INSYN2A: variants seen among roughly 807,000 people sequenced by gnomAD.
INSYN2A encodes the protein inhibitory synaptic factor 2A.
INSYN2A carries 17 observed loss-of-function variants against 39.4 expected under a neutral mutation model. The ratio of observed to expected loss-of-function variants is 0.43; its 90% CI spans 0.30 to 0.65. INSYN2A has a LOEUF of 0.65. Ranked by LOEUF, INSYN2A falls within the 30% of genes least tolerant of loss-of-function variation. The pLI is 0.14. For missense variants in INSYN2A, 595 were observed against 631.2 expected (o/e 0.94, Z 0.61); for synonymous variants, 255 against 265.7 (o/e 0.96, Z 0.39).
At chr10:127,173,824 C>T (rs2054811507) in intron 4 of INSYN2A, among the ~76,000 whole-genome samples, 1 of 152,138 alleles carries the variant, frequency 6.6e-6, no homozygotes, top group African/African-American at 2.4e-5. Context: ...CAAGATTGAA[C>T]AAGGCCTTTT....
chr10:127,175,061 C>T lies in INSYN2A; in HGVS notation c.1184+151G>A, dbSNP rs535708958. 1.2e-5 allele frequency: 8 copies of T among 666,378 alleles called. No homozygotes were observed. In the East Asian group the frequency reaches 1.3e-4, roughly 11 times the overall value. 41.3% of individuals were successfully genotyped at this position (666,378 alleles called of 1,614,324 possible). On this transcript the variant is annotated intron_variant, in intron 4 of 5. Transcript: ENST00000522781. This position sits in a 1 kb window ranked among gnomAD's most constrained non-coding sequence, Gnocchi z 6.3. ...ACGTCTAGTATCATAAAATAATCTG[C>T]GACCCCTTGGAGCTCGCCACGCCCT...
intron 4 of INSYN2A, among the ~76,000 whole-genome samples, chr10:127,162,065 C>T (rs1330637110): frequency 6.6e-6 from 1 of 152,132 alleles, no homozygotes; most frequent in Non-Finnish European, 1.5e-5. Context: ...TCATGGGTTT[C>T]GAGAACGTTA....
At position 127,137,935 on chromosome 10, in the gene INSYN2A, G is replaced by A. The variant is rs58148253; in HGVS notation, c.1342C>T (p.Pro448Ser). 1.9e-6 allele frequency: 3 copies of A among 1,614,128 alleles called. No individual in the cohort carries two copies. The highest frequency in any genetic ancestry group is 2.5e-6 in the Non-Finnish European group (3 of 1,180,002). Residue 448 changes from proline (P) to serine (S), a missense_variant, in exon 6 of 6, where the codon CCT (proline) becomes TCT (serine). By Grantham distance (74) the Pro-to-Ser change is moderately conservative. This residue lies in a region of INSYN2A where 117 missense variants were observed against 163.8 expected (regional missense o/e 0.71). Coordinates refer to ENST00000522781, the MANE Select transcript of INSYN2A (RefSeq NM_001039762.3). Reference sequence around the variant, plus strand: ...TAAGTCTCCTGAGAGTAAGGCGAAGGTATGACCTGAGTTTCCTCAATAGGG... The same window carrying A: ...TAAGTCTCCTGAGAGTAAGGCGAAGATATGACCTGAGTTTCCTCAATAGGG... ...LHPIEETQVI[P>S]SPYSQETYSS...
chr10:127,136,984 A>G lies in INSYN2A; in HGVS notation c.*853T>C, dbSNP rs1467421979. 1 of 152,626 alleles carries G rather than the reference A, an allele frequency of 6.6e-6. No homozygotes were observed. The highest frequency in any genetic ancestry group is 1.5e-5 in the Non-Finnish European group (1 of 68,038). The allele number at this position is 152,626 out of a possible 1,614,324, so 9.5% of individuals were successfully genotyped here. On this transcript the variant is annotated 3_prime_UTR_variant, in exon 6 of 6. Transcript: ENST00000522781. Reference sequence around the variant, plus strand: ...TTGGTGGGTGGATTATCCATCGTGTATCTCTATGTATGTTCTCAGATTCTT... The same window carrying G: ...TTGGTGGGTGGATTATCCATCGTGTGTCTCTATGTATGTTCTCAGATTCTT...
At chr10:127,177,549 A>G (rs2055282583) in intron 2 of INSYN2A, among the ~76,000 whole-genome samples, 1 of 152,336 alleles carries the variant, frequency 6.6e-6, no homozygotes, top group Admixed American at 6.5e-5. Context: ...CTGAGGGTGT[A>G]CGGGGCCCGA....
At chr10:127,183,398 C>T (rs1404208337) in intron 2 of INSYN2A, among the ~76,000 whole-genome samples, 1 of 152,148 alleles carries the variant, frequency 6.6e-6, no homozygotes, top group East Asian at 1.9e-4. Flanking sequence ...TATGAAAATG[C>T]CACAATGTTT....
chr10:127,167,684 A>G (rs909019301), intron 4 of INSYN2A, among the ~76,000 whole-genome samples: 27 of 152,190 alleles, frequency 1.8e-4, no homozygotes, highest in South Asian at 1.5e-3. Flanking sequence ...AGGGTGAACT[A>G]AAACAAAATC....
intron 4 of INSYN2A, among the ~76,000 whole-genome samples, chr10:127,172,494 C>T (rs751655767): frequency 3.9e-5 from 6 of 152,190 alleles, no homozygotes; most frequent in Non-Finnish European, 8.8e-5. Context: ...CTGCAGTCCT[C>T]TCCTATGTTC....
In INSYN2A at chr10:127,176,252, C is replaced by G; in HGVS notation, c.144G>C (p.Arg48=). 1.9e-6 allele frequency: 3 copies of G among 1,614,194 alleles called. No individual in the cohort carries two copies. Among genetic ancestry groups the G allele is most frequent in the Non-Finnish European group, 2.5e-6 (3 of 1,180,038 alleles). Residue 48 remains arginine, a synonymous_variant, in exon 4 of 6, where the codon CGG becomes CGC. Coordinates refer to ENST00000522781, the MANE Select transcript of INSYN2A (RefSeq NM_001039762.3). The surrounding 1 kb of genome is among the most constrained non-coding windows in gnomAD (Gnocchi z 4.4). ...TCTGTGCCTCGCAGATATCCTTAAA[C>G]CGCACCTGCAGGGCTTTGTTCCGTT... The part of the protein sequence containing the change: ...IKKRNKALQV[R]FKDICEAQNE...
At chr10:127,171,861 G>A (rs1048292600) in intron 4 of INSYN2A, among the ~76,000 whole-genome samples, 1 of 152,004 alleles carries the variant, frequency 6.6e-6, no homozygotes, top group African/African-American at 2.4e-5. Flanking sequence ...CCGCCACCAC[G>A]CCCGACTAAT....
chr10:127,178,108 C>T (rs566353726), intron 2 of INSYN2A, among the ~76,000 whole-genome samples: 2 of 152,312 alleles, frequency 1.3e-5, no homozygotes, highest in South Asian at 4.1e-4. Context: ...GAGACAACTT[C>T]ACAGCCACCA....
chr10:127,177,752 C>T (rs933023958), intron 2 of INSYN2A, among the ~76,000 whole-genome samples: 4 of 152,262 alleles, frequency 2.6e-5, no homozygotes, highest in Middle Eastern at 3.2e-3. Context: ...CTATGACATG[C>T]GCAGCATGGC....
At chr10:127,193,205 G>GT (rs2056872740) in intron 1 of INSYN2A, among the ~76,000 whole-genome samples, 2 of 152,144 alleles carry the variant, frequency 1.3e-5, no homozygotes, top group Admixed American at 6.5e-5. Flanking sequence ...GTGGGGAGGG[G>GT]TTGTGGTGCT....
At position 127,176,490 on chromosome 10, in the gene INSYN2A, T is replaced by G; in HGVS notation, c.-5-90A>C. 1 of 1,056,512 alleles carries G rather than the reference T, an allele frequency of 9.5e-7. No homozygotes were observed. The highest frequency in any genetic ancestry group is 1.4e-6 in the Non-Finnish European group (1 of 731,532). The allele number at this position is 1,056,512 out of a possible 1,614,324, so 65.4% of individuals were successfully genotyped here. A position where few individuals can be genotyped will look rare whatever the true frequency, so the allele number is the denominator to read the frequency against. ...ACAAACTTTTAGCCACCACGACGACTGCCTGTTTCCTAATTATATTTAAGC... is the reference window on the plus strand; with the variant it reads ...ACAAACTTTTAGCCACCACGACGACGGCCTGTTTCCTAATTATATTTAAGC... On this transcript the variant is annotated intron_variant, in intron 3 of 5. Transcript: ENST00000522781. This position sits in a 1 kb window ranked among gnomAD's most constrained non-coding sequence, Gnocchi z 4.4.
At chr10:127,164,413 C>T (rs1564857240) in intron 4 of INSYN2A, among the ~76,000 whole-genome samples, 1 of 151,980 alleles carries the variant, frequency 6.6e-6, no homozygotes, top group Non-Finnish European at 1.5e-5. Context: ...AAACTCCTGA[C>T]CTCAGGTGAT....
At chr10:127,190,655 A>G (rs2056657241) in intron 2 of INSYN2A, among the ~76,000 whole-genome samples, 1 of 69,192 alleles carries the variant, frequency 1.4e-5, no homozygotes, top group African/African-American at 4.4e-5. Flanking sequence ...ATTTAATAGA[A>G]ATCCTATCTT....
At chr10:127,192,076 C>T (rs1468305877) in intron 2 of INSYN2A, among the ~76,000 whole-genome samples, 7 of 152,110 alleles carry the variant, frequency 4.6e-5, no homozygotes, top group Non-Finnish European at 1.0e-4. Context: ...TCTTTTGTTT[C>T]TTTACCATTC....
rs1295323718 is a variant in INSYN2A, at chr10:127,136,436, G to A, written c.*1401C>T. On this transcript the variant is annotated 3_prime_UTR_variant, in exon 6 of 6. Coordinates refer to ENST00000522781, the MANE Select transcript of INSYN2A (RefSeq NM_001039762.3). ...TGCTGGACAGAAACTTCAAGACTAG[G>A]TTTTCCTGTATGCTCACAAACTATT... 1.4e-5 allele frequency: 2 copies of A among 143,034 alleles called. No homozygotes were observed. Among genetic ancestry groups the A allele is most frequent in the Non-Finnish European group, 3.0e-5 (2 of 66,334 alleles). 8.9% of individuals were successfully genotyped at this position (143,034 alleles called of 1,614,324 possible). A position where few individuals can be genotyped will look rare whatever the true frequency, so the allele number is the denominator to read the frequency against.
rs577480976 is a variant in INSYN2A at position 127,169,984 on chromosome 10, T to C, written c.1184+5228A>G. ...CGGCACCCTCACAGAGCCCCTGAAC[T>C]CAGGGGGTTCCTTTAGCTTCTTTTT... On this transcript the variant is annotated intron_variant, in intron 4 of 5. Transcript: ENST00000522781. Among the ~76,000 whole-genome samples the C allele has an allele frequency of 3.6e-4, 55 of 152,170 alleles. 1 individual carries two copies. In the South Asian group the frequency reaches 0.011, roughly 31 times the overall value.
Sources: allele counts gnomAD v4.1 joint callset (sites outside exome capture counted in the v4.1 genomes callset), GRCh38; gene constraint gnomAD v4.1.1; regional missense constraint gnomAD v4.1.1; non-coding constraint Gnocchi (gnomAD v3.1); transcripts MANE v1.5; gene names NCBI Gene and HGNC (gene_info 2026-07-23, HGNC 2026-07-21).